MTBP: variants seen among roughly 807,000 people sequenced by gnomAD.
The protein encoded by MTBP is mdm2-binding protein.
In MTBP, 101 loss-of-function variants were observed where a neutral mutation model predicts 117.0. The ratio of observed to expected loss-of-function variants is 0.86; its 90% CI spans 0.73 to 1.02. The LOEUF (loss-of-function observed/expected upper bound fraction) is 1.02, where lower values mean the gene tolerates loss of function less well. Ranked by LOEUF, MTBP falls within the 50% of genes least tolerant of loss-of-function variation. The pLI is 0.00. For missense variants in MTBP, 970 were observed against 1,030.9 expected, an observed-to-expected ratio of 0.94 and a Z score of 0.81; for synonymous variants, 350 against 351.5, an observed-to-expected ratio of 1.00 and a Z score of 0.05.
chr8:120,458,092 T>C (rs186571422), intron 7 of MTBP, among the ~76,000 whole-genome samples: 12 of 152,330 alleles, frequency 7.9e-5, no homozygotes, highest in Non-Finnish European at 1.6e-4. Context: ...CATGTGATTC[T>C]TTTATTCTCT....
At chr8:120,445,690 TC>T in intron 1 of MTBP, 102 bp downstream of exon 1, 1 of 923,488 alleles carries the variant, frequency 1.1e-6, no homozygotes, top group Non-Finnish European at 1.6e-6. Context: ...TATGTAGTTG[TC>T]CCACGAAGCT....
chr8:120,523,215 C>A, intron 21 of MTBP, 83 bp from the exon 22 acceptor site: 1 of 907,256 alleles, frequency 1.1e-6, no homozygotes, highest in Non-Finnish European at 1.7e-6. Context: ...CTACCATGTT[C>A]TTTTGAAGTT....
chr8:120,476,762 C>G (rs535427307), intron 11 of MTBP, among the ~76,000 whole-genome samples: 154 of 152,200 alleles, frequency 1.0e-3, no homozygotes, highest in African/African-American at 3.7e-3. Flanking sequence ...AGGACACAAA[C>G]AAATGGAAGA....
chr8:120,519,686 T>A (rs1350162383), intron 20 of MTBP, among the ~76,000 whole-genome samples: 1 of 152,110 alleles, frequency 6.6e-6, no homozygotes, highest in Non-Finnish European at 1.5e-5. Flanking sequence ...TGAAAAGAGT[T>A]ACAATTTAAT....
intron 10 of MTBP, among the ~76,000 whole-genome samples, chr8:120,467,413 A>G (rs1233679035): frequency 6.6e-6 from 1 of 152,172 alleles, no homozygotes; most frequent in East Asian, 1.9e-4. Context: ...TCAGGAGTCC[A>G]AGACCAGCCT....
At chr8:120,512,247 A>G (rs1814827622) in intron 17 of MTBP, among the ~76,000 whole-genome samples, 1 of 152,176 alleles carries the variant, frequency 6.6e-6, no homozygotes, top group African/African-American at 2.4e-5. Context: ...CATGGCCAGA[A>G]TACCCCAGGA....
chr8:120,498,803 T>A (rs1003897494), intron 14 of MTBP, among the ~76,000 whole-genome samples: 1 of 152,006 alleles, frequency 6.6e-6, no homozygotes, highest in Non-Finnish European at 1.5e-5. Context: ...ATATTCAGGG[T>A]CATGGAGGTA....
At chr8:120,484,768 C>T (rs1160884322) in intron 11 of MTBP, among the ~76,000 whole-genome samples, 1 of 152,144 alleles carries the variant, frequency 6.6e-6, no homozygotes, top group Admixed American at 6.6e-5. Flanking sequence ...TCTTAATCTC[C>T]CCGGAAAGAA....
intron 17 of MTBP, 104 bp from the exon 18 acceptor site, chr8:120,515,821 A>G (rs1814905607): frequency 9.1e-7 from 1 of 1,093,824 alleles, no homozygotes; most frequent in African/African-American, 1.6e-5. Context: ...TAGGAAATTA[A>G]ACAAGAACTC....
chr8:120,511,206 A>G (rs1286954569), intron 17 of MTBP, among the ~76,000 whole-genome samples: 2 of 152,190 alleles, frequency 1.3e-5, no homozygotes, highest in East Asian at 1.9e-4. Flanking sequence ...AAAGGTAGGG[A>G]TGTTTCCCAA....
intron 11 of MTBP, among the ~76,000 whole-genome samples, chr8:120,477,956 A>T (rs761104918): frequency 2.6e-5 from 4 of 152,214 alleles, no homozygotes; most frequent in Non-Finnish European, 4.4e-5. Context: ...ATGCACATAT[A>T]TGCTTATTGC....
chr8:120,506,962 G>T (rs1814699433), intron 16 of MTBP, 101 bp downstream of exon 16: 1 of 1,012,338 alleles, frequency 9.9e-7, no homozygotes, highest in Non-Finnish European at 1.4e-6. Flanking sequence ...TGCTACTCAG[G>T]GAAAATTTAT....
At chr8:120,453,115 T>C (rs10091414) in intron 4 of MTBP, among the ~76,000 whole-genome samples, 447 of 152,272 alleles carry the variant, frequency 2.9e-3, no homozygotes, top group Non-Finnish European at 5.2e-3. Flanking sequence ...AGAAAAATCA[T>C]GTCCTTTTTT....
chr8:120,522,580 G>A (rs186327982), intron 20 of MTBP, 74 bp from the exon 21 acceptor site: 3 of 980,412 alleles, frequency 3.1e-6, no homozygotes, highest in South Asian at 3.1e-5. Context: ...AATCTCAAGT[G>A]TATTTAATAA....
At position 120,457,804 on chromosome 8, in the gene MTBP, G is replaced by A. The variant is rs61092551; in HGVS notation, c.747+1134G>A. Among the ~76,000 whole-genome samples, 1,142 of 152,036 alleles carry A rather than the reference G, an allele frequency of 7.5e-3. 18 individuals are homozygous for A. The highest frequency in any genetic ancestry group is 0.026 in the African/African-American group (1,083 of 41,470). ...CCGGGCGTGGTGGCAGGTGCCTGTAGTCCCAGCTACTCAAGAGGCTGGGAC... is the reference window on the plus strand; with the variant it reads ...CCGGGCGTGGTGGCAGGTGCCTGTAATCCCAGCTACTCAAGAGGCTGGGAC... On this transcript the variant is annotated intron_variant, in intron 7 of 21. Transcript: ENST00000305949.
At position 120,456,537 on chromosome 8, in the gene MTBP, A is replaced by C; in HGVS notation, c.630-16A>C. On this transcript the variant is annotated splice_polypyrimidine_tract_variant and intron_variant, in intron 6 of 21. Transcript: ENST00000305949. ...ATAAAACCCTGTGTTTAATTGTTGT[A>C]ATCTTTTTTTTATAGAAACTGTCAG... The C allele has an allele frequency of 7.5e-7, 1 of 1,332,562 alleles. No homozygotes were observed. The highest frequency in any genetic ancestry group is 2.3e-5 in the East Asian group (1 of 42,980). 82.5% of individuals were successfully genotyped at this position (1,332,562 alleles called of 1,614,324 possible).
chr8:120,502,023 C>T (rs1223368653), intron 14 of MTBP, among the ~76,000 whole-genome samples: 1 of 152,122 alleles, frequency 6.6e-6, no homozygotes, highest in Non-Finnish European at 1.5e-5. Context: ...AACATCATAA[C>T]TTATCTATTA....
At chr8:120,462,605 A>G (rs888058097) in intron 9 of MTBP, among the ~76,000 whole-genome samples, 5 of 152,324 alleles carry the variant, frequency 3.3e-5, no homozygotes, top group South Asian at 4.1e-4. Context: ...ACTAGACGTT[A>G]CTTTCAGATA....
chr8:120,480,693 ATATT>A (rs961957449), intron 11 of MTBP, among the ~76,000 whole-genome samples: 4 of 152,110 alleles, frequency 2.6e-5, no homozygotes, highest in African/African-American at 9.7e-5. Context: ...TTATGTATAT[ATATT>A]TATATATGTA....
Sources: gnomAD v4.1 joint callset for allele counts (sites outside exome capture counted in the v4.1 genomes callset) on GRCh38, gnomAD v4.1.1 for gene constraint, MANE v1.5 for transcripts, NCBI Gene and HGNC (gene_info 2026-07-23, HGNC 2026-07-21) for gene names.